The following MAGI1 variants were observed in gnomAD, a reference collection of about 807,000 sequenced individuals.
MAGI1 encodes membrane associated guanylate kinase, WW and PDZ domain containing 1, also known as membrane-associated guanylate kinase, WW and PDZ domain-containing protein 1.
In MAGI1, 58 loss-of-function variants were observed where a neutral mutation model predicts 139.9. The ratio of observed to expected loss-of-function variants is 0.41; its 90% CI spans 0.34 to 0.52. The LOEUF (loss-of-function observed/expected upper bound fraction) is 0.52, where lower values mean the gene tolerates loss of function less well. Among genes scored for constraint, MAGI1 ranks in the 20% least tolerant of loss-of-function variants. The pLI, the probability that MAGI1 is intolerant of heterozygous loss-of-function variation, is 0.12. For missense variants in MAGI1, 1,874 were observed against 1,901.6 expected (o/e 0.99, Z 0.27); for synonymous variants, 812 against 737.9 (o/e 1.10, Z -1.63).
chr3:65,639,635 T>A (rs1412954170), intron 1 of MAGI1, among the ~76,000 whole-genome samples: 1 of 152,270 alleles, frequency 6.6e-6, no homozygotes, highest in East Asian at 1.9e-4. Flanking sequence ...TTGCCCTCCT[T>A]AGTGTGGGTG....
intron 1 of MAGI1, among the ~76,000 whole-genome samples, chr3:65,750,406 T>C (rs2036049630): frequency 6.6e-6 from 1 of 152,138 alleles, no homozygotes; most frequent in Non-Finnish European, 1.5e-5. Flanking sequence ...TAAGAAAAAA[T>C]CTACCATTAC....
chr3:66,004,227 C>G (rs768310733), intron 1 of MAGI1, among the ~76,000 whole-genome samples: 2 of 152,164 alleles, frequency 1.3e-5, no homozygotes, highest in African/African-American at 2.4e-5. Context: ...ATTATGCTCA[C>G]GGTTCTGTGG....
In MAGI1 at chr3:65,391,145, G is replaced by A. The variant is rs1559517582; in HGVS notation, c.2413C>T (p.Arg805Ter). The change falls in exon 14 of 23, where the codon CGA becomes TGA. Residue 805 changes from arginine (R) to a stop codon, truncating the protein, a stop_gained. Transcript: ENST00000402939. LOFTEE classifies it high-confidence loss of function. ...WAQSRSMYEN[R>*]LPDYQEQDIF... ...CAGAGGCCAGGATGCTACTCACGTCGGTTTTCATACATGCTCCTGGACTGG... is the reference window on the plus strand; with the variant it reads ...CAGAGGCCAGGATGCTACTCACGTCAGTTTTCATACATGCTCCTGGACTGG... The A allele has an allele frequency of 1.2e-6, 2 of 1,614,032 alleles. No individual in the cohort carries two copies. The highest frequency in any genetic ancestry group is 1.7e-6 in the Non-Finnish European group (2 of 1,179,934).
chr3:65,957,787 G>T (rs2107041243), intron 1 of MAGI1, among the ~76,000 whole-genome samples: 1 of 152,026 alleles, frequency 6.6e-6, no homozygotes, highest in East Asian at 1.9e-4. Flanking sequence ...TTTTGTTTTG[G>T]GATGGAGTTT....
chr3:65,769,177 G>A (rs1418144384), intron 1 of MAGI1, among the ~76,000 whole-genome samples: 3 of 152,086 alleles, frequency 2.0e-5, no homozygotes, highest in Non-Finnish European at 4.4e-5. Flanking sequence ...TTTTTCTGAT[G>A]ACAAAAATAA....
Position 65,929,736 on chromosome 3 carries a change from A to G in MAGI1, c.313+108260T>C, listed in dbSNP as rs180948878. On this transcript the variant is annotated intron_variant, in intron 1 of 22. Coordinates refer to ENST00000402939, the MANE Select transcript of MAGI1 (RefSeq NM_001033057.2). ...ACCCTTTCGGGGCACAAAAGCCATA[A>G]AAGTTTAAAACTCCAACAAATGCCC... Among the ~76,000 whole-genome samples, 3 of 152,242 alleles carry G rather than the reference A, an allele frequency of 2.0e-5. No individual in the cohort carries two copies. The East Asian group carries it at 5.8e-4, about 29-fold the overall frequency.
chr3:65,799,119 A>G (rs1286330315), intron 1 of MAGI1, among the ~76,000 whole-genome samples: 1 of 152,186 alleles, frequency 6.6e-6, no homozygotes, highest in East Asian at 1.9e-4. Context: ...ATAAGCAAAG[A>G]AAAAAATCAT....
At chr3:65,528,233 C>T (rs921864668) in intron 2 of MAGI1, among the ~76,000 whole-genome samples, 5 of 152,184 alleles carry the variant, frequency 3.3e-5, no homozygotes, top group Non-Finnish European at 5.9e-5. Flanking sequence ...TTTCACTCCA[C>T]GTCAACTGTC....
At chr3:65,461,127 G>A (rs1949752391) in intron 5 of MAGI1, among the ~76,000 whole-genome samples, 1 of 152,124 alleles carries the variant, frequency 6.6e-6, no homozygotes, top group Non-Finnish European at 1.5e-5. Flanking sequence ...TTGCCACACC[G>A]TCTTCCACAA....
Position 65,408,304 on chromosome 3 carries a change from T to C in MAGI1, c.2168-6834A>G, listed in dbSNP as rs145832467. Among the ~76,000 whole-genome samples the C allele has an allele frequency of 2.2e-3, 342 of 152,342 alleles. 1 individual carries two copies. Among genetic ancestry groups the C allele is most frequent in the African/African-American group, 8.0e-3 (332 of 41,580 alleles). On this transcript the variant is annotated intron_variant, in intron 12 of 22. Coordinates refer to ENST00000402939, the MANE Select transcript of MAGI1 (RefSeq NM_001033057.2). ...AAAACTTGCATTGCTTACTTCGCCTTCTTTCTTGGAAAGATTTAAAAGACA... is the reference window on the plus strand; with the variant it reads ...AAAACTTGCATTGCTTACTTCGCCTCCTTTCTTGGAAAGATTTAAAAGACA...
chr3:65,450,546 G>A (rs937690612), intron 6 of MAGI1, among the ~76,000 whole-genome samples: 1 of 152,108 alleles, frequency 6.6e-6, no homozygotes, highest in African/African-American at 2.4e-5. Context: ...TAATTTGGGG[G>A]GAAAGATCAT....
chr3:65,730,294 TA>T (rs2107728507), intron 1 of MAGI1, among the ~76,000 whole-genome samples: 1 of 152,196 alleles, frequency 6.6e-6, no homozygotes, highest in African/African-American at 2.4e-5. Flanking sequence ...TCAACAATGC[TA>T]TAAAAAAAAA....
At chr3:65,453,068 AC>A in intron 6 of MAGI1, 189 bp downstream of exon 6, 1 of 589,712 alleles carries the variant, frequency 1.7e-6, no homozygotes. Context: ...TTATGTGTAA[AC>A]AAATTCTTCT....
chr3:65,375,603 T>C, intron 18 of MAGI1, 142 bp downstream of exon 18: 1 of 696,072 alleles, frequency 1.4e-6, no homozygotes, highest in Non-Finnish European at 2.4e-6. Flanking sequence ...TATATTTAGT[T>C]AGGGATGAAT....
chr3:65,550,005 A>G (rs2079744965), intron 2 of MAGI1, among the ~76,000 whole-genome samples: 1 of 152,200 alleles, frequency 6.6e-6, no homozygotes, highest in Non-Finnish European at 1.5e-5. Context: ...ACATTTTAAA[A>G]GCCTGTGTGT....
chr3:65,749,148 T>C (rs569499458), intron 1 of MAGI1, among the ~76,000 whole-genome samples: 1 of 152,270 alleles, frequency 6.6e-6, no homozygotes, highest in Non-Finnish European at 1.5e-5. Context: ...TTCATCATGT[T>C]AAGATGCAAG....
chr3:65,668,922 A>G (rs993545336), intron 1 of MAGI1, among the ~76,000 whole-genome samples: 2 of 149,942 alleles, frequency 1.3e-5, no homozygotes, highest in Non-Finnish European at 3.0e-5. Flanking sequence ...CTTTTTTTAC[A>G]TTATCTTTAT....
At chr3:65,771,004 T>G (rs910760976) in intron 1 of MAGI1, among the ~76,000 whole-genome samples, 4 of 151,988 alleles carry the variant, frequency 2.6e-5, no homozygotes, top group Non-Finnish European at 4.4e-5. Context: ...TATTTTATTT[T>G]TAAAGAAGAT....
At chr3:65,420,678 G>T (rs1271524633) in intron 12 of MAGI1, among the ~76,000 whole-genome samples, 1 of 152,036 alleles carries the variant, frequency 6.6e-6, no homozygotes, top group Non-Finnish European at 1.5e-5. Context: ...TAAAAGCACA[G>T]AACAATAATT....
Sources: allele counts gnomAD v4.1 joint callset (sites outside exome capture counted in the v4.1 genomes callset), GRCh38; gene constraint gnomAD v4.1.1; transcripts MANE v1.5; gene names NCBI Gene and HGNC (gene_info 2026-07-23, HGNC 2026-07-21).